The following MSI2 variants were observed in gnomAD, a reference collection of about 807,000 sequenced individuals.
MSI2 encodes the protein RNA-binding protein Musashi homolog 2.
MSI2 carries 17 observed loss-of-function variants against 45.6 expected under a neutral mutation model. The ratio of observed to expected loss-of-function variants is 0.37; its 90% CI spans 0.26 to 0.56. The LOEUF is 0.56. MSI2 is among the 20% of genes least tolerant of loss of function. The pLI is 0.77. For synonymous variants in MSI2, 156 were observed against 158.2 expected (o/e 0.99, Z 0.11); for missense variants, 293 against 444.2 (o/e 0.66, Z 3.06).
chr17:57,412,611 T>C (rs1442590109), intron 6 of MSI2, among the ~76,000 whole-genome samples: 1 of 152,218 alleles, frequency 6.6e-6, no homozygotes, highest in African/African-American at 2.4e-5. Context: ...TTTTTAGTTT[T>C]GTGGCCCAGA....
chr17:57,650,574 G>T (rs1911060622), intron 10 of MSI2, among the ~76,000 whole-genome samples: 1 of 152,094 alleles, frequency 6.6e-6, no homozygotes, highest in Non-Finnish European at 1.5e-5. Context: ...TGGTCTCCAT[G>T]GGAGCTTGGA....
intron 6 of MSI2, among the ~76,000 whole-genome samples, chr17:57,458,944 C>G (rs1422257550): frequency 6.6e-6 from 1 of 152,176 alleles, no homozygotes; most frequent in Non-Finnish European, 1.5e-5. Flanking sequence ...ATGGCAGATC[C>G]TTTTAATTGC....
At chr17:57,563,745 C>T (rs956871400) in intron 7 of MSI2, among the ~76,000 whole-genome samples, 3 of 130,628 alleles carry the variant, frequency 2.3e-5, no homozygotes, top group African/African-American at 3.4e-5. Flanking sequence ...CACACAGGCG[C>T]GCACACACAC....
intron 6 of MSI2, among the ~76,000 whole-genome samples, chr17:57,473,785 C>T (rs910926340): frequency 6.6e-6 from 1 of 152,138 alleles, no homozygotes; most frequent in Non-Finnish European, 1.5e-5. Context: ...GGGGAGAGTG[C>T]CTGCTCCCTG....
intron 6 of MSI2, chr17:57,448,739 G>T (rs1216091229): frequency 6.6e-6 from 1 of 152,180 alleles, no homozygotes; most frequent in Non-Finnish European, 1.5e-5. Context: ...GTTGGCTCTA[G>T]GAGCCTCGAA....
chr17:57,368,562 A>G (rs1333807938), intron 5 of MSI2, among the ~76,000 whole-genome samples: 2 of 152,234 alleles, frequency 1.3e-5, no homozygotes, highest in Admixed American at 6.5e-5. Flanking sequence ...CTCCAAAAAA[A>G]CAAAAACAAA....
At chr17:57,698,351 G>A in the MSI2 span, among the ~76,000 whole-genome samples, 5 of 152,188 alleles carry the variant, frequency 3.3e-5, no homozygotes, top group East Asian at 3.9e-4. Flanking sequence ...GTGCCCGCAC[G>A]CTGTGGGGCA....
intron 1 of MSI2, 91 bp downstream of exon 1, chr17:57,256,895 G>GGGGGGGGC: frequency 1.1e-6 from 1 of 902,356 alleles, no homozygotes; most frequent in Non-Finnish European, 1.6e-6. Flanking sequence ...GGCATCTCCC[G>GGGGGGGGC]CGCCCCCCCG....
chr17:57,346,259 G>A (rs1264429003), intron 5 of MSI2, among the ~76,000 whole-genome samples: 3 of 150,816 alleles, frequency 2.0e-5, no homozygotes, highest in Non-Finnish European at 3.0e-5. Flanking sequence ...AGAAATTGCA[G>A]CATTTTGAAG....
At chr17:57,643,523 C>T (rs1598485432) in intron 10 of MSI2, among the ~76,000 whole-genome samples, 1 of 152,210 alleles carries the variant, frequency 6.6e-6, no homozygotes, top group East Asian at 1.9e-4. Flanking sequence ...TGCAGGGAAC[C>T]TGCGGACAGA....
intron 6 of MSI2, chr17:57,450,431 C>G (rs930842154): frequency 7.3e-6 from 1 of 136,402 alleles, no homozygotes; most frequent in African/African-American, 2.9e-5. Flanking sequence ...CTGCCCAGCA[C>G]TTTGGGAGGC....
chr17:57,473,433 C>T (rs923577688), intron 6 of MSI2, among the ~76,000 whole-genome samples: 2 of 151,960 alleles, frequency 1.3e-5, no homozygotes, highest in Non-Finnish European at 2.9e-5. Context: ...CTGATCCAGC[C>T]CAGAGCCTTT....
intron 7 of MSI2, among the ~76,000 whole-genome samples, chr17:57,589,643 C>T (rs975054367): frequency 1.3e-5 from 2 of 152,214 alleles, no homozygotes; most frequent in African/African-American, 4.8e-5. Flanking sequence ...CCTTGCCAGG[C>T]CGGTCCCTCT....
At chr17:57,532,517 G>A (rs146659400) in intron 7 of MSI2, among the ~76,000 whole-genome samples, 8 of 152,296 alleles carry the variant, frequency 5.3e-5, no homozygotes, top group African/African-American at 1.7e-4. Flanking sequence ...ATTGAAGAGA[G>A]TGAAAAAAAA....
At chr17:57,629,648 A>T (rs1478359080) in intron 10 of MSI2, 1 of 152,290 alleles carries the variant, frequency 6.6e-6, no homozygotes, top group East Asian at 1.9e-4. Context: ...ACACTCACAC[A>T]TGCGCACCAC....
intron 7 of MSI2, among the ~76,000 whole-genome samples, chr17:57,550,807 A>T (rs555571657): frequency 3.2e-4 from 49 of 152,218 alleles, no homozygotes; most frequent in African/African-American, 1.2e-3. Context: ...CAAGACCAAC[A>T]CGCATAGGCA....
chr17:57,502,636 T>TATATATATATAGAGAG, intron 6 of MSI2, among the ~76,000 whole-genome samples: 4 of 96,898 alleles, frequency 4.1e-5, no homozygotes, highest in Non-Finnish European at 8.6e-5. Flanking sequence ...TATATATATA[T>TATATATATATAGAGAG]AGTCATCATT....
chr17:57,412,450 G>A (rs2084214839), intron 6 of MSI2, among the ~76,000 whole-genome samples: 1 of 152,142 alleles, frequency 6.6e-6, no homozygotes, highest in Non-Finnish European at 1.5e-5. Flanking sequence ...GATCGCTTCT[G>A]GCTGCATCAG....
At chr17:57,335,051 C>T (rs1397164738) in intron 5 of MSI2, among the ~76,000 whole-genome samples, 3 of 151,822 alleles carry the variant, frequency 2.0e-5, no homozygotes, top group Non-Finnish European at 4.4e-5. Context: ...GCCAGAATTG[C>T]ATATATTTAT....
Sources: gnomAD v4.1 joint callset for allele counts (sites outside exome capture counted in the v4.1 genomes callset) on GRCh38, gnomAD v4.1.1 for gene constraint, MANE v1.5 for transcripts, NCBI Gene and HGNC (gene_info 2026-07-23, HGNC 2026-07-21) for gene names.